Variants in TSPEAR observed in about 807,000 individuals in gnomAD.
The protein encoded by TSPEAR is thrombospondin type laminin G domain and EAR repeats.
In TSPEAR, 69 loss-of-function variants were observed where a neutral mutation model predicts 71.6. The observed-to-expected ratio is 0.96, with a 90% confidence interval of 0.79 to 1.18. The LOEUF is 1.18. Ranked by LOEUF, TSPEAR falls within the 50% of genes most tolerant of loss-of-function variation. The pLI, the probability that TSPEAR is intolerant of heterozygous loss-of-function variation, is 0.00. For synonymous variants in TSPEAR, 402 were observed against 387.2 expected, an observed-to-expected ratio of 1.04 and a Z score of -0.45; for missense variants, 971 against 894.9, an observed-to-expected ratio of 1.09 and a Z score of -1.09.
chr21:44,644,994 T>G (rs1272522155), intron 1 of TSPEAR, among the ~76,000 whole-genome samples: 1 of 152,110 alleles, frequency 6.6e-6, no homozygotes, highest in Non-Finnish European at 1.5e-5. Context: ...TCGGCAACAC[T>G]GGACATCACA....
In TSPEAR at chr21:44,539,841, A is replaced by C. The variant is rs587678919; in HGVS notation, c.304-5918T>G. On this transcript the variant is annotated intron_variant, in intron 2 of 11. Coordinates refer to ENST00000323084, the MANE Select transcript of TSPEAR (RefSeq NM_144991.3). ...GGCAGGCAGCACACAGGCTTGCAGC[A>C]GACGGGCACGCAGCAGGCCTGCTGG... is the stretch of plus-strand genomic sequence containing the variant. The C allele has an allele frequency of 3.3e-5, 52 of 1,553,442 alleles. No individual in the cohort carries two copies. The East Asian group carries it at 1.1e-3, about 34-fold the overall frequency.
At chr21:44,697,509 C>T in intron 1 of TSPEAR, 1 of 1,613,990 alleles carries the variant, frequency 6.2e-7, no homozygotes, top group South Asian at 1.1e-5. Flanking sequence ...TGCCAGCAGG[C>T]CTGCTGCGTG....
Position 44,582,009 on chromosome 21 carries a change from T to C in TSPEAR, c.83-14004A>G, listed in dbSNP as rs587737149. Among the ~76,000 whole-genome samples, 3 of 152,348 alleles carry C rather than the reference T, an allele frequency of 2.0e-5. No individual in the cohort carries two copies. In the South Asian group the frequency reaches 6.2e-4, roughly 32 times the overall value. On this transcript the variant is annotated intron_variant, in intron 1 of 11. Transcript: ENST00000323084. ...CAATTTTGATTTTATTTTTTATAAC[T>C]CTTTGAATATCCTTTCAGTGATTAT...
intron 1 of TSPEAR, chr21:44,676,174 T>TA: frequency 8.4e-7 from 1 of 1,187,694 alleles, no homozygotes; most frequent in Non-Finnish European, 1.3e-6. Context: ...GAAGTACTGG[T>TA]ACAAGCTATT....
At chr21:44,570,501 A>T (rs1555922377) in intron 1 of TSPEAR, among the ~76,000 whole-genome samples, 1 of 152,180 alleles carries the variant, frequency 6.6e-6, no homozygotes, top group Non-Finnish European at 1.5e-5. Flanking sequence ...GAATTATGGA[A>T]TTACAGAAGG....
rs868912866 is a variant in TSPEAR at position 44,550,513 on chromosome 21, G to A, written c.304-16590C>T. 4.4e-4 allele frequency: 421 copies of A among 965,562 alleles called. 2 individuals carry two copies. The highest frequency in any genetic ancestry group is 1.0e-3 in the Admixed American group (35 of 34,870). The allele number at this position is 965,562 out of a possible 1,614,324, so 59.8% of individuals were successfully genotyped here. On this transcript the variant is annotated intron_variant, in intron 2 of 11. Coordinates refer to ENST00000323084, the MANE Select transcript of TSPEAR (RefSeq NM_144991.3). ...GCACCGTGAGGAGAAGCCAGGGCTC[G>A]CCCGCCCGGCGGGAGGTCAGAGAGG...
chr21:44,576,084 G>A (rs1555923947), intron 1 of TSPEAR, among the ~76,000 whole-genome samples: 1 of 152,216 alleles, frequency 6.6e-6, no homozygotes, highest in Non-Finnish European at 1.5e-5. Flanking sequence ...TGGAAGAAGT[G>A]CCAACTATTC....
chr21:44,589,706 C>T (rs1038212079), intron 1 of TSPEAR, among the ~76,000 whole-genome samples: 1 of 152,164 alleles, frequency 6.6e-6, no homozygotes, highest in Non-Finnish European at 1.5e-5. Context: ...TGGGTCCTGT[C>T]GGTGCCTCGG....
chr21:44,704,569 G>T (rs545097799), intron 1 of TSPEAR, among the ~76,000 whole-genome samples: 3 of 152,190 alleles, frequency 2.0e-5, no homozygotes, highest in African/African-American at 7.2e-5. Flanking sequence ...GGATGGAGCT[G>T]GTTACCCAGA....
At chr21:44,515,545 ACCCT>A (rs1555913297) in intron 9 of TSPEAR, 1 of 151,800 alleles carries the variant, frequency 6.6e-6, no homozygotes, top group African/African-American at 2.4e-5. Context: ...GCTAGCCCAG[ACCCT>A]CCCCTTGGTT....
At chr21:44,647,549 G>A in intron 1 of TSPEAR, 1 of 685,554 alleles carries the variant, frequency 1.5e-6, no homozygotes, top group Non-Finnish European at 2.5e-6. Context: ...TCCCTCAGCA[G>A]GTGGACTGTG....
chr21:44,592,620 G>A (rs901267091), intron 1 of TSPEAR: 122 of 1,351,100 alleles, frequency 9.0e-5, no homozygotes, highest in Admixed American at 7.1e-4. Context: ...GGAGTCTGCC[G>A]GGATTAGGGG....
chr21:44,578,861 G>A (rs1481670848), intron 1 of TSPEAR, among the ~76,000 whole-genome samples: 8 of 152,124 alleles, frequency 5.3e-5, no homozygotes, highest in African/African-American at 1.2e-4. Flanking sequence ...CCTGACGCAC[G>A]GTCCTGCAGG....
At chr21:44,701,134 G>A (rs897905586) in intron 1 of TSPEAR, among the ~76,000 whole-genome samples, 22 of 152,178 alleles carry the variant, frequency 1.4e-4, no homozygotes, top group Admixed American at 1.3e-3. Flanking sequence ...TTTTTAAACC[G>A]ACACATCATT....
chr21:44,707,018 T>C (rs1231513638), intron 1 of TSPEAR, among the ~76,000 whole-genome samples: 1 of 152,250 alleles, frequency 6.6e-6, no homozygotes, highest in Non-Finnish European at 1.5e-5. Context: ...CCTGCCCGGC[T>C]TTCCTAGCGG....
rs369621037 is a variant in TSPEAR at position 44,612,062 on chromosome 21, C to T, written c.83-44057G>A. ...AGCCAGGGCACACAAACCCACACAC[C>T]TCACACCAGCACTCACACCACCCAG... On this transcript the variant is annotated intron_variant, in intron 1 of 11. Coordinates refer to ENST00000323084, the MANE Select transcript of TSPEAR (RefSeq NM_144991.3). The surrounding 1 kb of genome is among the most constrained non-coding windows in gnomAD (Gnocchi z 4.1). 140 of 1,593,392 alleles carry T rather than the reference C, an allele frequency of 8.8e-5. No homozygotes were observed. The Middle Eastern group carries it at 1.1e-3, about 12-fold the overall frequency.
chr21:44,539,954 G>T, intron 2 of TSPEAR: 2 of 1,613,546 alleles, frequency 1.2e-6, no homozygotes, highest in Non-Finnish European at 1.7e-6. Context: ...TGATTGGCAG[G>T]GGCTGGGCTC....
chr21:44,640,926 G>A (rs1983986678), intron 1 of TSPEAR, among the ~76,000 whole-genome samples: 2 of 152,166 alleles, frequency 1.3e-5, no homozygotes. Flanking sequence ...GGAAGGGTGG[G>A]GTTGGCCCAG....
At position 44,697,833 on chromosome 21, in the gene TSPEAR, TC is replaced by T. The variant is rs782062378; in HGVS notation, c.82+13599del. On this transcript the variant is annotated intron_variant, in intron 1 of 11. Coordinates refer to ENST00000323084, the MANE Select transcript of TSPEAR (RefSeq NM_144991.3). The stretch of plus-strand genomic sequence containing the variant: ...TGCAGACCCGCCCGCCGCGTGCCCG[TC>T]CCCTCCTGCTGTGTCCCCACCTCCT... 8.7e-6 allele frequency: 14 copies of T among 1,613,154 alleles called. No homozygotes were observed. The South Asian group carries it at 1.1e-4, about 13-fold the overall frequency.
Sources: allele counts gnomAD v4.1 joint callset (sites outside exome capture counted in the v4.1 genomes callset), GRCh38; gene constraint gnomAD v4.1.1; non-coding constraint Gnocchi (gnomAD v3.1); transcripts MANE v1.5; gene names NCBI Gene and HGNC (gene_info 2026-07-23, HGNC 2026-07-21).